The following RBFOX1 variants were observed in gnomAD, a reference collection of about 807,000 sequenced individuals.
RBFOX1 encodes RNA binding protein fox-1 homolog 1.
RBFOX1 carries 8 observed loss-of-function variants against 57.7 expected under a neutral mutation model. The ratio of observed to expected loss-of-function variants is 0.14; its 90% CI spans 0.08 to 0.25. RBFOX1 has a LOEUF of 0.25. Among genes scored for constraint, RBFOX1 ranks in the 10% least tolerant of loss-of-function variants. RBFOX1 has a pLI of 1.00. For missense variants in RBFOX1, 611 were observed against 548.5 expected (o/e 1.11, Z -1.14); for synonymous variants, 326 against 222.4 (o/e 1.47, Z -4.15).
intron 3 of RBFOX1, among the ~76,000 whole-genome samples, chr16:7,005,776 A>G (rs2093244735): frequency 6.6e-6 from 1 of 152,202 alleles, no homozygotes; most frequent in South Asian, 2.1e-4. Context: ...CCTTGCCTAA[A>G]TCGCAAGATG....
intron 3 of RBFOX1, among the ~76,000 whole-genome samples, chr16:5,605,312 A>G (rs2047533231): frequency 6.6e-6 from 1 of 152,180 alleles, no homozygotes; most frequent in Non-Finnish European, 1.5e-5. Flanking sequence ...CACGTCCCTG[A>G]TCCCAGGTTA....
intron 2 of RBFOX1, among the ~76,000 whole-genome samples, chr16:6,516,743 T>G (rs2096387012): frequency 6.6e-6 from 1 of 152,204 alleles, no homozygotes; most frequent in Admixed American, 6.5e-5. Flanking sequence ...TCCATTCTCA[T>G]TGTGGTTTGG....
chr16:7,149,849 C>T (rs1301238559), intron 4 of RBFOX1, among the ~76,000 whole-genome samples: 1 of 152,190 alleles, frequency 6.6e-6, no homozygotes, highest in Admixed American at 6.5e-5. Context: ...CCAGTCGGAG[C>T]ACCTCTTCCT....
intron 3 of RBFOX1, among the ~76,000 whole-genome samples, chr16:6,902,127 G>A (rs1204952158): frequency 6.6e-6 from 1 of 152,130 alleles, no homozygotes; most frequent in Non-Finnish European, 1.5e-5. Flanking sequence ...GAAACCAGGA[G>A]TGCTGGAACT....
At chr16:6,899,761 A>G (rs2067985971) in intron 3 of RBFOX1, among the ~76,000 whole-genome samples, 1 of 152,242 alleles carries the variant, frequency 6.6e-6, no homozygotes, top group African/African-American at 2.4e-5. Context: ...ATTTACATGA[A>G]TGAAGTACAT....
At chr16:6,248,671 A>C (rs56769363) in intron 1 of RBFOX1, among the ~76,000 whole-genome samples, 18,322 of 152,054 alleles carry the variant, frequency 0.12, 1,220 homozygotes, top group Middle Eastern at 0.27. Context: ...AAAAAGATGC[A>C]TGTGATGGAG....
chr16:6,715,146 T>C (rs1230018317), intron 3 of RBFOX1, among the ~76,000 whole-genome samples: 1 of 152,142 alleles, frequency 6.6e-6, no homozygotes, highest in African/African-American at 2.4e-5. Flanking sequence ...CCACAGTGTT[T>C]CCAAATAAAG....
chr16:6,374,595 C>G (rs192289594), intron 2 of RBFOX1, among the ~76,000 whole-genome samples: 1 of 152,196 alleles, frequency 6.6e-6, no homozygotes, highest in East Asian at 1.9e-4. Context: ...TACATAAGAA[C>G]AAGAAGACGT....
chr16:6,849,312 C>G (rs1489010661), intron 3 of RBFOX1, among the ~76,000 whole-genome samples: 1 of 152,118 alleles, frequency 6.6e-6, no homozygotes, highest in Non-Finnish European at 1.5e-5. Context: ...AAATCGTGTT[C>G]ATTTTTAAGA....
At chr16:5,359,251 T>C (rs1004993985) in intron 1 of RBFOX1, among the ~76,000 whole-genome samples, 1 of 152,226 alleles carries the variant, frequency 6.6e-6, no homozygotes, top group Non-Finnish European at 1.5e-5. Flanking sequence ...ATTTTGGCTA[T>C]TGGGAACAGT....
chr16:6,590,849 G>C (rs1005074219), intron 2 of RBFOX1, among the ~76,000 whole-genome samples: 1 of 152,096 alleles, frequency 6.6e-6, no homozygotes, highest in African/African-American at 2.4e-5. Flanking sequence ...CGTTTGACAT[G>C]CAAGAATTGT....
Position 5,613,924 on chromosome 16 carries a change from CTT to C in RBFOX1, c.318+14977_318+14978del, listed in dbSNP as rs59357758. ...TTTCCTCCTGTAGAATTTCCTTGGA[CTT>C]TTTTTTTTTTTTTATCCTGATGCTG... On this transcript the variant is annotated intron_variant, in intron 3 of 19. Transcript: ENST00000641259. 1.7e-3 allele frequency among the ~76,000 whole-genome samples: 241 copies of C among 143,690 alleles called. 1 individual carries two copies. The highest frequency in any genetic ancestry group is 4.7e-3 in the African/African-American group (183 of 39,178). The allele number at this position is 143,690 out of a possible 152,430, so 94.3% of individuals were successfully genotyped here.
At chr16:6,534,387 T>TG (rs1322654638) in intron 2 of RBFOX1, among the ~76,000 whole-genome samples, 1 of 152,118 alleles carries the variant, frequency 6.6e-6, no homozygotes. Flanking sequence ...AATTGGCCTA[T>TG]GGGGATGGAA....
chr16:5,980,328 G>A (rs375172386), intron 4 of RBFOX1, among the ~76,000 whole-genome samples: 1 of 152,174 alleles, frequency 6.6e-6, no homozygotes, highest in African/African-American at 2.4e-5. Flanking sequence ...GCGGCAGAAC[G>A]GTATAGATGG....
At chr16:5,580,468 G>A (rs78544371) in intron 2 of RBFOX1, among the ~76,000 whole-genome samples, 2 of 152,290 alleles carry the variant, frequency 1.3e-5, no homozygotes, top group African/African-American at 4.8e-5. Flanking sequence ...CCACTTCACC[G>A]CCTGGGTGAC....
chr16:5,554,328 A>G (rs2045587376), intron 2 of RBFOX1, among the ~76,000 whole-genome samples: 2 of 152,186 alleles, frequency 1.3e-5, no homozygotes, highest in Admixed American at 1.3e-4. Flanking sequence ...TAAAATAATT[A>G]TATGCGAAAG....
chr16:6,735,556 C>A (rs183943860), intron 3 of RBFOX1, among the ~76,000 whole-genome samples: 1 of 152,172 alleles, frequency 6.6e-6, no homozygotes, highest in Non-Finnish European at 1.5e-5. Context: ...TATTTCTCGT[C>A]CCCATGGATG....
intron 1 of RBFOX1, among the ~76,000 whole-genome samples, chr16:5,463,851 G>A (rs2068871575): frequency 6.6e-6 from 1 of 151,480 alleles, no homozygotes; most frequent in South Asian, 2.1e-4. Context: ...GCAACAGCAA[G>A]ATTACAACAC....
At chr16:5,802,475 A>G (rs935618853) in intron 3 of RBFOX1, among the ~76,000 whole-genome samples, 1 of 152,144 alleles carries the variant, frequency 6.6e-6, no homozygotes, top group Non-Finnish European at 1.5e-5. Flanking sequence ...GAAAGCTTAA[A>G]GTGATTCTTG....
Sources: allele counts gnomAD v4.1 joint callset (sites outside exome capture counted in the v4.1 genomes callset), GRCh38; gene constraint gnomAD v4.1.1; transcripts MANE v1.5; gene names NCBI Gene and HGNC (gene_info 2026-07-23, HGNC 2026-07-21).